CHL1: variants seen among roughly 807,000 people sequenced by gnomAD.
CHL1 encodes the protein cell adhesion molecule L1 like.
CHL1 carries 96 observed loss-of-function variants against 141.9 expected under a neutral mutation model. The ratio of observed to expected loss-of-function variants is 0.68; its 90% CI spans 0.57 to 0.80. The LOEUF (loss-of-function observed/expected upper bound fraction) is 0.80, where lower values mean the gene tolerates loss of function less well. CHL1 is among the 30% of genes least tolerant of loss of function. CHL1 has a pLI of 0.00. For missense variants in CHL1, 1,820 were observed against 1,457.2 expected (o/e 1.25, Z -4.05); for synonymous variants, 613 against 502.2 (o/e 1.22, Z -2.95).
chr3:307,551 A>C (rs62227208), intron 2 of CHL1, among the ~76,000 whole-genome samples: 3,653 of 152,266 alleles, frequency 0.024, 52 homozygotes, highest in Middle Eastern at 0.044. Context: ...AGTGCAATGA[A>C]ATTGTGTTTA....
intron 4 of CHL1, 100 bp downstream of exon 4, chr3:326,164 G>A (rs536850606): frequency 3.4e-5 from 23 of 679,690 alleles, no homozygotes; most frequent in African/African-American, 7.5e-5. Flanking sequence ...ATGAATCCAC[G>A]CATGATTAAA....
chr3:239,934 T>C (rs1359304189), intron 1 of CHL1, among the ~76,000 whole-genome samples: 3 of 152,328 alleles, frequency 2.0e-5, no homozygotes, highest in Admixed American at 6.5e-5. Context: ...TTTCCTCCTT[T>C]CATGGCTGAG....
intron 1 of CHL1, among the ~76,000 whole-genome samples, chr3:242,559 G>A (rs536429696): frequency 2.9e-3 from 445 of 152,070 alleles, no homozygotes; most frequent in African/African-American, 8.7e-3. Flanking sequence ...TTGTGCCACT[G>A]CACTCCAGCC....
chr3:281,104 C>T (rs1696610810), intron 2 of CHL1, among the ~76,000 whole-genome samples: 1 of 152,050 alleles, frequency 6.6e-6, no homozygotes, highest in Non-Finnish European at 1.5e-5. Flanking sequence ...GGGTAGAGAC[C>T]AGTGATTCTC....
intron 1 of CHL1, among the ~76,000 whole-genome samples, chr3:210,008 G>A (rs780512229): frequency 2.0e-5 from 3 of 152,082 alleles, no homozygotes; most frequent in Non-Finnish European, 4.4e-5. Flanking sequence ...TTGTTTAATT[G>A]TGTATGGGGA....
intron 1 of CHL1, among the ~76,000 whole-genome samples, chr3:221,076 T>C (rs754953317): frequency 1.6e-4 from 24 of 152,212 alleles, no homozygotes; most frequent in Non-Finnish European, 3.1e-4. Context: ...AATCCACCTA[T>C]GACCTGAAAT....
chr3:205,239 G>C (rs1699319558), intron 1 of CHL1, among the ~76,000 whole-genome samples: 1 of 151,698 alleles, frequency 6.6e-6, no homozygotes, highest in Non-Finnish European at 1.5e-5. Flanking sequence ...GCCTCCCAAA[G>C]TGCTGGGACT....
At chr3:350,313 G>A (rs781706460) in intron 10 of CHL1, among the ~76,000 whole-genome samples, 1 of 152,146 alleles carries the variant, frequency 6.6e-6, no homozygotes, top group Non-Finnish European at 1.5e-5. Flanking sequence ...CTGATGTGAA[G>A]TTTGTCTAGT....
chr3:248,682 T>A (rs1226996166), intron 2 of CHL1: 3 of 152,102 alleles, frequency 2.0e-5, no homozygotes, highest in Admixed American at 2.0e-4. Context: ...TTAAGTTAAT[T>A]TTTTCTTTCT....
intron 2 of CHL1, among the ~76,000 whole-genome samples, chr3:285,961 G>GT (rs1170543148): frequency 2.0e-5 from 3 of 151,924 alleles, no homozygotes; most frequent in South Asian, 2.1e-4. Context: ...CTCTCTGGCA[G>GT]TTTTTTTTCT....
chr3:400,589 T>TTTA (rs1436344762), intron 26 of CHL1, among the ~76,000 whole-genome samples: 9 of 151,050 alleles, frequency 6.0e-5, no homozygotes, highest in Non-Finnish European at 3.0e-5. Context: ...TTGAGGGCTT[T>TTTA]TTTTTTTTTT....
intron 2 of CHL1, among the ~76,000 whole-genome samples, chr3:253,885 C>T (rs117586376): frequency 6.6e-6 from 1 of 152,242 alleles, no homozygotes; most frequent in East Asian, 1.9e-4. Flanking sequence ...CCTGAATAGA[C>T]TAGAAAAGGA....
intron 2 of CHL1, among the ~76,000 whole-genome samples, chr3:283,225 G>A (rs1444165195): frequency 3.3e-5 from 5 of 152,134 alleles, no homozygotes; most frequent in African/African-American, 7.2e-5. Context: ...TTCTCTTCAC[G>A]AATATCATTA....
At chr3:255,867 T>C (rs1694109835) in intron 2 of CHL1, among the ~76,000 whole-genome samples, 1 of 152,186 alleles carries the variant, frequency 6.6e-6, no homozygotes, top group African/African-American at 2.4e-5. Flanking sequence ...CTTTTTAATG[T>C]CTACCCATTG....
intron 15 of CHL1, among the ~76,000 whole-genome samples, chr3:371,465 T>A (rs1180142115): frequency 6.6e-6 from 1 of 152,208 alleles, no homozygotes; most frequent in Non-Finnish European, 1.5e-5. Context: ...TTGGTAAATT[T>A]TCCTCCATCC....
chr3:366,196 C>A, intron 15 of CHL1, 81 bp downstream of exon 15: 11 of 1,334,218 alleles, frequency 8.2e-6, no homozygotes, highest in Non-Finnish European at 1.2e-5. Context: ...CTAGGTCGGG[C>A]ATGCTGACTC....
At position 365,978 on chromosome 3, in the gene CHL1, GA is replaced by G; in HGVS notation, c.1616del (p.Asn539IlefsTer22). ...NATKLRVSPK[N>X]PRIPKLHMLE... ...CTACAAAACTTAGAGTTTCTCCTAAGAATCCTCGTATCCCCAAATTGCATAT... is the reference window on the plus strand; with the variant it reads ...CTACAAAACTTAGAGTTTCTCCTAAGATCCTCGTATCCCCAAATTGCATAT... On this transcript the variant is annotated frameshift_variant, in exon 15 of 28. Transcript: ENST00000256509. LOFTEE classifies it high-confidence loss of function. The G allele has an allele frequency of 6.2e-7, 1 of 1,613,360 alleles. No individual in the cohort carries two copies. The highest frequency in any genetic ancestry group is 8.5e-7 in the Non-Finnish European group (1 of 1,179,602).
intron 16 of CHL1, among the ~76,000 whole-genome samples, chr3:379,754 C>T (rs955674722): frequency 6.6e-5 from 10 of 151,894 alleles, no homozygotes; most frequent in Admixed American, 2.0e-4. Flanking sequence ...CCAGTGTTTA[C>T]AGAATAAAAA....
At chr3:385,168 G>A (rs748779437) in intron 19 of CHL1, among the ~76,000 whole-genome samples, 10 of 152,228 alleles carry the variant, frequency 6.6e-5, no homozygotes, top group Middle Eastern at 3.4e-3. Flanking sequence ...CCTCCCTTAA[G>A]TTCCATAGAA....
Sources: allele counts gnomAD v4.1 joint callset (sites outside exome capture counted in the v4.1 genomes callset), GRCh38; gene constraint gnomAD v4.1.1; transcripts MANE v1.5; gene names NCBI Gene and HGNC (gene_info 2026-07-23, HGNC 2026-07-21).